TNRC6B: variants seen among roughly 807,000 people sequenced by gnomAD.
The protein encoded by TNRC6B is trinucleotide repeat-containing gene 6B protein.
In TNRC6B, 52 loss-of-function variants were observed where a neutral mutation model predicts 203.6. That is an observed-to-expected ratio of 0.26 (90% confidence interval 0.20 to 0.32). TNRC6B has a LOEUF of 0.32. Among genes scored for constraint, TNRC6B ranks in the 10% least tolerant of loss-of-function variants. The pLI, the probability that TNRC6B is intolerant of heterozygous loss-of-function variation, is 1.00. For synonymous variants in TNRC6B, 838 were observed against 845.7 expected (o/e 0.99, Z 0.16); for missense variants, 1,923 against 2,286.2 (o/e 0.84, Z 3.24).
At chr22:40,147,623 T>C (rs12169847) in intron 3 of TNRC6B, among the ~76,000 whole-genome samples, 137 of 152,316 alleles carry the variant, frequency 9.0e-4, no homozygotes, top group African/African-American at 3.1e-3. Flanking sequence ...CAAGCCCTTT[T>C]ATAACAGCGT....
chr22:40,111,531 A>G (rs1049599701), intron 1 of TNRC6B, among the ~76,000 whole-genome samples: 19 of 152,224 alleles, frequency 1.2e-4, no homozygotes, highest in African/African-American at 4.3e-4. Context: ...ATAAGGAAGT[A>G]TATACTAGAA....
chr22:40,223,329 C>T (rs541934070), intron 1 of TNRC6B, among the ~76,000 whole-genome samples: 2 of 152,016 alleles, frequency 1.3e-5, no homozygotes, highest in Non-Finnish European at 2.9e-5. Flanking sequence ...TTAGTGGAGA[C>T]GGGGTTTCAC....
At chr22:40,090,680 T>C (rs1400089131) in intron 1 of TNRC6B, among the ~76,000 whole-genome samples, 1 of 152,202 alleles carries the variant, frequency 6.6e-6, no homozygotes, top group Non-Finnish European at 1.5e-5. Context: ...CAAGTTGTGG[T>C]ATGAATTATT....
chr22:40,306,865 G>A (rs2071093140), intron 15 of TNRC6B, among the ~76,000 whole-genome samples: 2 of 152,068 alleles, frequency 1.3e-5, no homozygotes, highest in Non-Finnish European at 2.9e-5. Flanking sequence ...TGGTGTGCCT[G>A]TAGTCCCAGC....
At chr22:40,138,340 A>T (rs1162764849) in intron 3 of TNRC6B, among the ~76,000 whole-genome samples, 1 of 152,196 alleles carries the variant, frequency 6.6e-6, no homozygotes, top group Non-Finnish European at 1.5e-5. Flanking sequence ...ATCTCAGCTC[A>T]CTGCAACCTC....
chr22:40,315,975 C>G lies in TNRC6B; in HGVS notation c.4937C>G (p.Pro1646Arg). Residue 1646 changes from proline (P) to arginine (R), a missense_variant, in exon 21 of 23, where the codon CCT becomes CGT. Pro to Arg is a moderately radical substitution (Grantham distance 103). Around this residue, in one of 8 missense-constraint regions of TNRC6B, gnomAD observed 159 missense variants for 181.0 expected, o/e 0.88. Transcript: ENST00000454349. ...TGGAGTGATGGTGGCTCAGTTCGTC[C>G]TAGTTACTGGCTGGTTCTTCACAAT... ...STWSDGGSVR[P>R]SYWLVLHNLT... The G allele has an allele frequency of 6.2e-7, 1 of 1,613,870 alleles. No individual in the cohort carries two copies. Among genetic ancestry groups the G allele is most frequent in the African/African-American group, 1.3e-5 (1 of 75,002 alleles).
At chr22:40,199,776 CTG>C (rs2069385936) in intron 1 of TNRC6B, among the ~76,000 whole-genome samples, 1 of 151,892 alleles carries the variant, frequency 6.6e-6, no homozygotes, top group Non-Finnish European at 1.5e-5. Context: ...TTATGTAGGA[CTG>C]TGGTTTGGTT....
At chr22:40,171,223 G>A (rs1459149406) in intron 4 of TNRC6B, among the ~76,000 whole-genome samples, 13 of 144,924 alleles carry the variant, frequency 9.0e-5, no homozygotes, top group Admixed American at 5.6e-4. Flanking sequence ...GTGCAGTGGC[G>A]CAATCTCGGC....
At chr22:40,284,918 AC>A (rs2070762655) in intron 11 of TNRC6B, among the ~76,000 whole-genome samples, 1 of 152,100 alleles carries the variant, frequency 6.6e-6, no homozygotes, top group African/African-American at 2.4e-5. Context: ...ATATAACCCA[AC>A]TCTCTTAGTT....
chr22:40,281,483 T>C (rs950712250), intron 11 of TNRC6B, among the ~76,000 whole-genome samples, 194 bp downstream of exon 11: 1 of 145,178 alleles, frequency 6.9e-6, no homozygotes, highest in Non-Finnish European at 1.5e-5. Flanking sequence ...ACGGATTTTA[T>C]TTTAAACCTG....
chr22:40,059,033 G>A lies in TNRC6B; in HGVS notation c.-121+14035G>A, dbSNP rs541182118. 3.3e-5 allele frequency among the ~76,000 whole-genome samples: 5 copies of A among 152,230 alleles called. No homozygotes were observed. The South Asian group carries it at 1.0e-3, about 32-fold the overall frequency. ...ATCCAAACACCTTTGTTCCAGCCAA[G>A]TTCGTTTACTGCTCCCATTTATCAA... On this transcript the variant is annotated intron_variant, in intron 1 of 23. Transcript: ENST00000301923.
chr22:40,144,675 G>GGAAAAA (rs2068675071), intron 3 of TNRC6B, among the ~76,000 whole-genome samples: 1 of 108,722 alleles, frequency 9.2e-6, no homozygotes, highest in Non-Finnish European at 1.8e-5. Context: ...ACTCCGTCTC[G>GGAAAAA]GAAAAAAAAA....
intron 1 of TNRC6B, among the ~76,000 whole-genome samples, chr22:40,215,442 A>C (rs1401980769): frequency 6.6e-6 from 1 of 152,228 alleles, no homozygotes; most frequent in East Asian, 1.9e-4. Flanking sequence ...GGGTGACTGC[A>C]TGGCCGGAGA....
intron 15 of TNRC6B, among the ~76,000 whole-genome samples, chr22:40,307,365 T>C (rs950320106): frequency 5.9e-5 from 9 of 152,294 alleles, no homozygotes; most frequent in Middle Eastern, 6.8e-3. Flanking sequence ...GTGGGAGGCT[T>C]GCTCGCCTCC....
intron 4 of TNRC6B, among the ~76,000 whole-genome samples, chr22:40,159,939 G>T (rs147903094): frequency 0.019 from 2,822 of 151,900 alleles, 79 homozygotes; most frequent in African/African-American, 0.064. Flanking sequence ...AGCTTCCTGA[G>T]TGCCTGGGAC....
intron 3 of TNRC6B, among the ~76,000 whole-genome samples, chr22:40,134,283 G>A (rs1164738541): frequency 6.6e-6 from 1 of 152,186 alleles, no homozygotes; most frequent in Non-Finnish European, 1.5e-5. Context: ...ACGATGTGAG[G>A]AAATGGCACT....
At chr22:40,253,807 T>C (rs1419354088) in intron 3 of TNRC6B, 1 of 439,980 alleles carries the variant, frequency 2.3e-6, no homozygotes, top group Non-Finnish European at 4.6e-6. Flanking sequence ...CCCACCTTGG[T>C]ACTGTAAATC....
chr22:40,305,524 CA>C (rs781646938), intron 15 of TNRC6B, among the ~76,000 whole-genome samples: 38 of 152,308 alleles, frequency 2.5e-4, no homozygotes, highest in South Asian at 8.3e-4. Context: ...CACAGTGTCC[CA>C]GAATTCCTTC....
chr22:40,222,901 A>G (rs1461455814), intron 1 of TNRC6B, among the ~76,000 whole-genome samples: 1 of 149,904 alleles, frequency 6.7e-6, no homozygotes, highest in African/African-American at 2.5e-5. Context: ...GTGCACCACC[A>G]CTTCCAGCTA....
Sources: gnomAD v4.1 joint callset for allele counts (sites outside exome capture counted in the v4.1 genomes callset) on GRCh38, gnomAD v4.1.1 for gene constraint, gnomAD v4.1.1 regional missense constraint, MANE v1.5 for transcripts, NCBI Gene and HGNC (gene_info 2026-07-23, HGNC 2026-07-21) for gene names.